ACER1: variants seen among roughly 807,000 people sequenced by gnomAD.
ACER1 encodes alkaline ceramidase 1.
Under a neutral mutation model 24.9 loss-of-function variants are expected in ACER1, and 28 were observed. The observed-to-expected ratio is 1.13, with a 90% CI of 0.83 to 1.54. The LOEUF (loss-of-function observed/expected upper bound fraction) is 1.54, where lower values mean the gene tolerates loss of function less well. ACER1 is among the 40% of genes most tolerant of loss of function. The pLI is 0.00. For missense variants in ACER1, 352 were observed against 349.3 expected (o/e 1.01, Z -0.06); for synonymous variants, 132 against 131.4 (o/e 1.00, Z -0.03).
chr19:6,338,121 A>T (rs2091722227), upstream of ACER1, among the ~76,000 whole-genome samples: 1 of 151,920 alleles, frequency 6.6e-6, no homozygotes. Context: ...AAATAAAATA[A>T]TAAAATAAAT....
chr19:6,343,758 C>A, the ACER1 span: 1 of 152,266 alleles, frequency 6.6e-6, no homozygotes, highest in African/African-American at 2.4e-5. Context: ...TGTAGCACAG[C>A]AGCCACTTCC....
the ACER1 span, among the ~76,000 whole-genome samples, chr19:6,357,228 G>A: frequency 1.3e-5 from 2 of 151,848 alleles, no homozygotes; most frequent in Admixed American, 1.3e-4. Context: ...TGTATTTTTA[G>A]TTGAGACGGG....
In ACER1 at chr19:6,306,827, C is replaced by G; in HGVS notation, c.682G>C (p.Asp228His). Reference sequence around the variant, plus strand: ...TCACCTGGCATCTCATAGTTGGCATCCACCAAGGCCATGGTGACCATGCCA... The same window carrying G: ...TCACCTGGCATCTCATAGTTGGCATGCACCAAGGCCATGGTGACCATGCCA... ...PYGMVTMALV[D>H]ANYEMPGETL... Residue 228 changes from aspartate (D) to histidine (H), a missense_variant, in exon 6 of 6, where the codon GAT (aspartate) becomes CAT (histidine). By Grantham distance (81) the Asp-to-His change is moderately conservative. Coordinates refer to ENST00000301452, the MANE Select transcript of ACER1 (RefSeq NM_133492.3). 2 of 1,614,192 alleles carry G rather than the reference C, an allele frequency of 1.2e-6. No individual in the cohort carries two copies.
At chr19:6,334,977 C>G (rs1030901753), upstream of ACER1, among the ~76,000 whole-genome samples, 3 of 147,000 alleles carry the variant, frequency 2.0e-5, no homozygotes, top group African/African-American at 7.4e-5. Flanking sequence ...ATAAAAGAGC[C>G]TGGCCTTAGC....
the ACER1 span, among the ~76,000 whole-genome samples, chr19:6,340,469 C>T: frequency 6.6e-6 from 1 of 152,102 alleles, no homozygotes; most frequent in African/African-American, 2.4e-5. Flanking sequence ...ATCCGCTTCC[C>T]AGGTGGACCA....
At chr19:6,327,237 C>T (rs10402764) in intron 1 of ACER1, among the ~76,000 whole-genome samples, 18,041 of 152,106 alleles carry the variant, frequency 0.12, 2,549 homozygotes, top group African/African-American at 0.34. Context: ...TTGAGAGCAA[C>T]CTGGATGACC....
chr19:6,320,153 C>T (rs1019823189), intron 1 of ACER1, among the ~76,000 whole-genome samples: 7 of 151,506 alleles, frequency 4.6e-5, no homozygotes. Flanking sequence ...AATACATCTC[C>T]AACATCTCCT....
intron 1 of ACER1, among the ~76,000 whole-genome samples, chr19:6,318,989 C>T (rs2091617264): frequency 1.3e-5 from 2 of 151,672 alleles, no homozygotes; most frequent in Admixed American, 1.3e-4. Context: ...CAGGACACAT[C>T]ATCAATGGTA....
chr19:6,331,195 G>A (rs1278925490), intron 1 of ACER1, among the ~76,000 whole-genome samples: 1 of 146,012 alleles, frequency 6.8e-6, no homozygotes, highest in African/African-American at 2.7e-5. Context: ...CTGTCACCAG[G>A]CTGGAGTGCA....
rs141030336 is a variant in ACER1 at position 6,323,496 on chromosome 19, C to T, written c.93+9963G>A. On this transcript the variant is annotated intron_variant, in intron 1 of 5. Transcript: ENST00000301452. ...CTTTCTCTTTGCCTGCTGCCATCCACGTAAGATGTGACTTGCTCCTCCTTG... is the reference window on the plus strand; with the variant it reads ...CTTTCTCTTTGCCTGCTGCCATCCATGTAAGATGTGACTTGCTCCTCCTTG... Among the ~76,000 whole-genome samples the T allele has an allele frequency of 7.7e-3, 1,168 of 152,198 alleles. 17 individuals are homozygous for T. The highest frequency in any genetic ancestry group is 0.026 in the African/African-American group (1,060 of 41,558).
chr19:6,343,015 G>C, the ACER1 span, among the ~76,000 whole-genome samples: 1 of 152,080 alleles, frequency 6.6e-6, no homozygotes, highest in Non-Finnish European at 1.5e-5. Context: ...GACCTCAGGT[G>C]ATCCGCCCAC....
At chr19:6,314,588 C>A (rs1370429987) in intron 1 of ACER1, among the ~76,000 whole-genome samples, 2 of 151,988 alleles carry the variant, frequency 1.3e-5, no homozygotes, top group Non-Finnish European at 2.9e-5. Flanking sequence ...ATGTCTGAGC[C>A]GCGACAAGTC....
At position 6,310,218 on chromosome 19, in the gene ACER1, G is replaced by A. The variant is rs1051956596; in HGVS notation, c.351-384C>T. Among the ~76,000 whole-genome samples, 5 of 151,896 alleles carry A rather than the reference G, an allele frequency of 3.3e-5. No individual in the cohort carries two copies. The South Asian group carries it at 6.2e-4, about 19-fold the overall frequency. On this transcript the variant is annotated intron_variant, in intron 3 of 5. Transcript: ENST00000301452. ...TTCTCCTGCCTCAGCCTCCCAAGTA[G>A]CTGGGACTACAGGCGCCCGCCACCA...
At chr19:6,347,914 G>A in the ACER1 span, among the ~76,000 whole-genome samples, 1 of 151,404 alleles carries the variant, frequency 6.6e-6, no homozygotes, top group African/African-American at 2.4e-5. Flanking sequence ...AAATGGCTAG[G>A]CACAGTGGCT....
At chr19:6,330,437 G>C (rs1196110027) in intron 1 of ACER1, among the ~76,000 whole-genome samples, 1 of 150,250 alleles carries the variant, frequency 6.7e-6, no homozygotes, top group Non-Finnish European at 1.5e-5. Flanking sequence ...CAAAGTGCTG[G>C]GATTACAGGC....
chr19:6,336,591 C>T (rs754702395), upstream of ACER1, among the ~76,000 whole-genome samples: 1 of 151,954 alleles, frequency 6.6e-6, no homozygotes, highest in East Asian at 1.9e-4. Context: ...GAAGCCAAGG[C>T]AGGCGGATCA....
chr19:6,306,898 C>A lies in ACER1; in HGVS notation c.627-16G>T. On this transcript the variant is annotated splice_polypyrimidine_tract_variant and intron_variant, in intron 5 of 5. Transcript: ENST00000301452. ...GAGCACATGCCTGTGGAGTGCAGGG[C>A]GAAGGTGGCGAGGGCACAAGATACC... 6.2e-7 allele frequency: 1 copy of A among 1,601,974 alleles called. No homozygotes were observed. The highest frequency in any genetic ancestry group is 2.2e-5 in the East Asian group (1 of 44,666).
In ACER1 at chr19:6,309,843, G is replaced by T. The variant is rs756879679; in HGVS notation, c.351-9C>A. On this transcript the variant is annotated splice_polypyrimidine_tract_variant and intron_variant, in intron 3 of 5. Transcript: ENST00000301452. Reference sequence around the variant, plus strand: ...GGCGGATGAACTGGGACCTGGGGAGGAAGGGGCTCAGCTGTAGGCGGGAAG... The same window carrying T: ...GGCGGATGAACTGGGACCTGGGGAGTAAGGGGCTCAGCTGTAGGCGGGAAG... 1 of 1,613,932 alleles carries T rather than the reference G, an allele frequency of 6.2e-7. No homozygotes were observed. The highest frequency in any genetic ancestry group is 2.2e-5 in the East Asian group (1 of 44,866).
At chr19:6,331,283 G>A (rs2091685565) in intron 1 of ACER1, among the ~76,000 whole-genome samples, 1 of 147,992 alleles carries the variant, frequency 6.8e-6, no homozygotes, top group South Asian at 2.1e-4. Flanking sequence ...CTGAGTAGCT[G>A]GGACTACAGG....
Sources: allele counts gnomAD v4.1 joint callset (sites outside exome capture counted in the v4.1 genomes callset), GRCh38; gene constraint gnomAD v4.1.1; transcripts MANE v1.5; gene names NCBI Gene and HGNC (gene_info 2026-07-23, HGNC 2026-07-21).